Variants in CDIN1 observed in about 807,000 individuals in gnomAD.
The protein encoded by CDIN1 is CDAN1-interacting nuclease 1.
A neutral mutation model predicts 45.3 loss-of-function variants in CDIN1; 33 were observed. The ratio of observed to expected loss-of-function variants is 0.73; its 90% CI spans 0.55 to 0.97. The LOEUF (loss-of-function observed/expected upper bound fraction) is 0.97. Ranked by LOEUF, CDIN1 falls within the 50% of genes least tolerant of loss-of-function variation. The probability of loss-of-function intolerance (pLI) is 0.00; values close to 1 mark genes in which losing one functional copy is unlikely to be tolerated. For synonymous variants in CDIN1, 118 were observed against 124.4 expected (o/e 0.95, Z 0.34); for missense variants, 303 against 339.4 (o/e 0.89, Z 0.84).
At chr15:36,671,613 A>G (rs1330744474) in intron 5 of CDIN1, among the ~76,000 whole-genome samples, 7 of 151,984 alleles carry the variant, frequency 4.6e-5, no homozygotes, top group Non-Finnish European at 7.4e-5. Flanking sequence ...TCACAGCTGC[A>G]TGTTCAATTT....
At chr15:36,651,667 C>T (rs985768210) in intron 3 of CDIN1, among the ~76,000 whole-genome samples, 9 of 151,988 alleles carry the variant, frequency 5.9e-5, no homozygotes, top group African/African-American at 1.2e-4. Flanking sequence ...CACTAGGCCT[C>T]GAGGGATCAG....
Position 36,739,059 on chromosome 15 carries a change from A to G in CDIN1, c.716+29098A>G, listed in dbSNP as rs139447041. On this transcript the variant is annotated intron_variant, in intron 10 of 10. Coordinates refer to ENST00000566621, the MANE Select transcript of CDIN1 (RefSeq NM_001321759.2). ...ATGTTACAAATCTAATATATATGCC[A>G]TGGAAAATAAACAATCATCAGTCTT... 3.2e-3 allele frequency among the ~76,000 whole-genome samples: 493 copies of G among 152,342 alleles called. 10 individuals are homozygous for G. In the East Asian group the frequency reaches 0.044, roughly 14 times the overall value.
chr15:36,761,057 C>T (rs555814445), intron 10 of CDIN1, among the ~76,000 whole-genome samples: 44 of 152,220 alleles, frequency 2.9e-4, no homozygotes, highest in Middle Eastern at 6.8e-3. Context: ...TTTTTGCCAT[C>T]GGTCATTTTA....
chr15:36,654,169 T>C lies in CDIN1; in HGVS notation c.273+11T>C, dbSNP rs750738371. 2 of 1,559,890 alleles carry C rather than the reference T, an allele frequency of 1.3e-6. No individual in the cohort carries two copies. The highest frequency in any genetic ancestry group is 4.7e-5 in the East Asian group (2 of 42,310). On this transcript the variant is annotated intron_variant, in intron 4 of 10. Coordinates refer to ENST00000566621, the MANE Select transcript of CDIN1 (RefSeq NM_001321759.2). ...GACCTGGCCAATGAGGTAATGTTAT[T>C]GTTATGATTTTATTTAAACCTGCGT...
At chr15:36,683,515 GC>G in intron 5 of CDIN1, among the ~76,000 whole-genome samples, 1 of 35,752 alleles carries the variant, frequency 2.8e-5, no homozygotes, top group South Asian at 8.5e-4. Flanking sequence ...GTAGTGTGAT[GC>G]CTCCAGCTTT....
chr15:36,755,851 G>A (rs2053596624), intron 10 of CDIN1: 1 of 232,200 alleles, frequency 4.3e-6, no homozygotes, highest in African/African-American at 2.3e-5. Context: ...TTATTTATGT[G>A]GATCACAAGA....
At chr15:36,808,290 C>T (rs908998982) in intron 10 of CDIN1, 34 bp from the exon 11 acceptor site, 17 of 1,610,746 alleles carry the variant, frequency 1.1e-5, no homozygotes, top group Non-Finnish European at 1.3e-5. Flanking sequence ...CTGTTGATAC[C>T]ATGTGTGTGT....
intron 1 of CDIN1, among the ~76,000 whole-genome samples, chr15:36,640,237 G>A (rs1370222444): frequency 6.6e-6 from 1 of 152,150 alleles, no homozygotes; most frequent in African/African-American, 2.4e-5. Context: ...TGGTATGTGT[G>A]TGTGTGGCAG....
chr15:36,635,124 C>CTA, intron 1 of CDIN1, among the ~76,000 whole-genome samples: 1 of 152,200 alleles, frequency 6.6e-6, no homozygotes, highest in East Asian at 1.9e-4. Flanking sequence ...CTCTAACAGA[C>CTA]TATACCCTAG....
intron 1 of CDIN1, among the ~76,000 whole-genome samples, chr15:36,610,338 A>C (rs1368925186): frequency 6.6e-6 from 1 of 152,222 alleles, no homozygotes; most frequent in African/African-American, 2.4e-5. Context: ...TAAGTGACTT[A>C]AGCAAGGTAG....
chr15:36,794,687 T>TTATATTA (rs2054744465), intron 10 of CDIN1, among the ~76,000 whole-genome samples: 1 of 152,242 alleles, frequency 6.6e-6, no homozygotes, highest in African/African-American at 2.4e-5. Flanking sequence ...CATTTCTTTA[T>TTATATTA]CCATTCATAC....
chr15:36,773,923 C>T (rs2054141481), intron 10 of CDIN1, among the ~76,000 whole-genome samples: 1 of 152,220 alleles, frequency 6.6e-6, no homozygotes. Flanking sequence ...TGTCTCCAGT[C>T]CTTGACACCT....
At chr15:36,593,556 TTTG>T (rs1202433092) in intron 1 of CDIN1, among the ~76,000 whole-genome samples, 1 of 152,126 alleles carries the variant, frequency 6.6e-6, no homozygotes, top group Non-Finnish European at 1.5e-5. Context: ...AAGTTTTTAT[TTTG>T]TTGTTATTAT....
chr15:36,651,473 A>G (rs2040574381), intron 3 of CDIN1, among the ~76,000 whole-genome samples: 1 of 152,272 alleles, frequency 6.6e-6, no homozygotes, highest in African/African-American at 2.4e-5. Flanking sequence ...AAATTTAAAT[A>G]GAGCCTGATC....
intron 10 of CDIN1, among the ~76,000 whole-genome samples, chr15:36,731,377 G>A (rs533435780): frequency 1.3e-5 from 2 of 152,002 alleles, no homozygotes; most frequent in Admixed American, 6.6e-5. Flanking sequence ...TTTCATCTAC[G>A]ATTACTTTAC....
At chr15:36,614,362 GTC>G (rs745946219) in intron 1 of CDIN1, among the ~76,000 whole-genome samples, 13 of 152,090 alleles carry the variant, frequency 8.5e-5, no homozygotes, top group Non-Finnish European at 1.6e-4. Flanking sequence ...TTGCCAAACT[GTC>G]TCTGCCTCTT....
chr15:36,640,007 A>T (rs1034692264), intron 1 of CDIN1, among the ~76,000 whole-genome samples: 1 of 152,100 alleles, frequency 6.6e-6, no homozygotes, highest in East Asian at 1.9e-4. Context: ...GGATGGATAC[A>T]TTTTTCTTTA....
chr15:36,697,537 C>T (rs1014626964), intron 8 of CDIN1, 147 bp downstream of exon 8: 3 of 638,334 alleles, frequency 4.7e-6, no homozygotes, highest in African/African-American at 1.9e-5. Flanking sequence ...AGCAGGAACT[C>T]AGTTACCTAA....
chr15:36,763,373 G>T (rs989856276), intron 10 of CDIN1, among the ~76,000 whole-genome samples: 1 of 151,994 alleles, frequency 6.6e-6, no homozygotes, highest in Non-Finnish European at 1.5e-5. Context: ...GAGTTGCCCC[G>T]TACTTTGCTG....
Sources: gnomAD v4.1 joint callset for allele counts (sites outside exome capture counted in the v4.1 genomes callset) on GRCh38, gnomAD v4.1.1 for gene constraint, MANE v1.5 for transcripts, NCBI Gene and HGNC (gene_info 2026-07-23, HGNC 2026-07-21) for gene names.